TENT2: variants seen among roughly 807,000 people sequenced by gnomAD.
TENT2 encodes poly(A) RNA polymerase GLD2.
In TENT2, 44 loss-of-function variants were observed where a neutral mutation model predicts 72.2. The observed-to-expected ratio is 0.61, with a 90% CI of 0.48 to 0.78. The LOEUF (loss-of-function observed/expected upper bound fraction) is 0.78. Ranked by LOEUF, TENT2 falls within the 30% of genes least tolerant of loss-of-function variation. The pLI is 0.00. For synonymous variants in TENT2, 212 were observed against 192.5 expected, an observed-to-expected ratio of 1.10 and a Z score of -0.84; for missense variants, 541 against 569.6, an observed-to-expected ratio of 0.95 and a Z score of 0.51.
chr5:79,641,461 A>G (rs1207065090), intron 6 of TENT2, among the ~76,000 whole-genome samples: 4 of 148,758 alleles, frequency 2.7e-5, no homozygotes, highest in Non-Finnish European at 6.0e-5. Context: ...CAAGAGCTCT[A>G]CCTCTGTTTT....
rs1484649564 is a variant in TENT2 at position 79,687,432 on chromosome 5, CCA to C, written c.*2162_*2163del. Among the ~76,000 whole-genome samples the C allele has an allele frequency of 6.6e-6, 1 of 152,146 alleles. No homozygotes were observed. The highest frequency in any genetic ancestry group is 1.5e-5 in the Non-Finnish European group (1 of 68,024). On this transcript the variant is annotated 3_prime_UTR_variant, in exon 15 of 15. Transcript: ENST00000453514. ...CCCCGTCCTCTTCAGATACCAAAAT[CCA>C]CAGATACTCAAGTCCCTTATATAAA...
intron 7 of TENT2, 66 bp from the exon 8 acceptor site, chr5:79,645,057 T>C: frequency 1.6e-6 from 2 of 1,278,592 alleles, no homozygotes; most frequent in African/African-American, 1.6e-5. Context: ...TTTTAAAAAA[T>C]GTGCGTTGGA....
At chr5:79,642,650 G>A (rs1785368374) in intron 6 of TENT2, among the ~76,000 whole-genome samples, 182 bp from the exon 7 acceptor site, 1 of 152,020 alleles carries the variant, frequency 6.6e-6, no homozygotes, top group Non-Finnish European at 1.5e-5. Context: ...GTGAAAGATA[G>A]CATTAAAGGT....
chr5:79,662,041 G>A (rs1019082411), intron 11 of TENT2, among the ~76,000 whole-genome samples: 1 of 152,156 alleles, frequency 6.6e-6, no homozygotes, highest in African/African-American at 2.4e-5. Flanking sequence ...GTTGTTCCAA[G>A]CAGTACTGGT....
At chr5:79,644,981 AT>A in intron 7 of TENT2, 141 bp from the exon 8 acceptor site, 1 of 611,382 alleles carries the variant, frequency 1.6e-6, no homozygotes, top group Non-Finnish European at 2.7e-6. Context: ...GAATTTGATA[AT>A]GTCCTCACTT....
Position 79,612,976 on chromosome 5 carries a change from C to G in TENT2, c.-137C>G, listed in dbSNP as rs531578593. ...ACCGCTTACTTTGCTTACTCGTTTT[C>G]TATTCCTCGCGTACTGCCTCGTCCA... On this transcript the variant is annotated 5_prime_UTR_variant, in exon 1 of 15. Coordinates refer to ENST00000453514, the MANE Select transcript of TENT2 (RefSeq NM_001114394.3). 6.6e-6 allele frequency: 1 copy of G among 152,366 alleles called. No homozygotes were observed. The highest frequency in any genetic ancestry group is 2.1e-4 in the South Asian group (1 of 4,832). 9.4% of individuals were successfully genotyped at this position (152,366 alleles called of 1,614,324 possible).
intron 10 of TENT2, among the ~76,000 whole-genome samples, chr5:79,655,155 A>G (rs1561537568): frequency 6.6e-6 from 1 of 152,204 alleles, no homozygotes; most frequent in Non-Finnish European, 1.5e-5. Context: ...TTTAAAAACT[A>G]CTAAACTCAT....
chr5:79,623,636 C>A, intron 4 of TENT2, 147 bp downstream of exon 4: 1 of 465,658 alleles, frequency 2.1e-6, no homozygotes. Flanking sequence ...ATTTTCTGTC[C>A]AAACATTACT....
At chr5:79,647,813 A>G (rs940541558) in intron 8 of TENT2, among the ~76,000 whole-genome samples, 7 of 152,162 alleles carry the variant, frequency 4.6e-5, no homozygotes, top group Non-Finnish European at 7.3e-5. Flanking sequence ...TATACATTGC[A>G]TCATTATTGC....
chr5:79,686,622 C>T lies in TENT2; in HGVS notation c.*1349C>T, dbSNP rs1230209393. The T allele has an allele frequency of 6.6e-6, 1 of 151,908 alleles. No individual in the cohort carries two copies. The highest frequency in any genetic ancestry group is 1.9e-4 in the East Asian group (1 of 5,184). The allele number at this position is 151,908 out of a possible 1,614,324, so 9.4% of individuals were successfully genotyped here. A position where few individuals can be genotyped will look rare whatever the true frequency, so the allele number is the denominator to read the frequency against. ...TCAAATTTTTGTATGATGTCAAATG[C>T]AATAAAATTTATATATGGACATTGT... On this transcript the variant is annotated 3_prime_UTR_variant, in exon 15 of 15. Coordinates refer to ENST00000453514, the MANE Select transcript of TENT2 (RefSeq NM_001114394.3).
At chr5:79,660,663 A>G (rs1339181912) in intron 11 of TENT2, among the ~76,000 whole-genome samples, 1 of 152,224 alleles carries the variant, frequency 6.6e-6, no homozygotes. Flanking sequence ...CATACATGAT[A>G]GTGGTCTCAT....
intron 4 of TENT2, among the ~76,000 whole-genome samples, chr5:79,637,260 TC>T (rs1177888431): frequency 6.6e-6 from 1 of 152,158 alleles, no homozygotes; most frequent in African/African-American, 2.4e-5. Flanking sequence ...CAGTTTATTC[TC>T]ATTTTTCTTA....
chr5:79,687,710 G>A lies in TENT2; in HGVS notation c.*2437G>A, dbSNP rs1826479469. ...TCACAAATCCTACATGGTTACGGAG[G>A]GTTGACTGTATTTGCATATGTTGTT... On this transcript the variant is annotated 3_prime_UTR_variant, in exon 15 of 15. Coordinates refer to ENST00000453514, the MANE Select transcript of TENT2 (RefSeq NM_001114394.3). Among the ~76,000 whole-genome samples the A allele has an allele frequency of 1.3e-5, 2 of 152,118 alleles. No homozygotes were observed. Among genetic ancestry groups the A allele is most frequent in the South Asian group, 4.1e-4 (2 of 4,830 alleles).
At chr5:79,679,457 T>C (rs559127554) in intron 12 of TENT2, 122 bp from the exon 13 acceptor site, 9 of 483,654 alleles carry the variant, frequency 1.9e-5, no homozygotes, top group African/African-American at 1.4e-4. Flanking sequence ...GTGCTGAGGG[T>C]TGGGGCACAG....
intron 4 of TENT2, among the ~76,000 whole-genome samples, chr5:79,625,297 A>G (rs533761169): frequency 4.1e-4 from 63 of 152,282 alleles, no homozygotes; most frequent in African/African-American, 1.3e-3. Flanking sequence ...TGCATTCTAC[A>G]TATTAGACCC....
At chr5:79,621,932 G>A (rs951126630) in intron 3 of TENT2, among the ~76,000 whole-genome samples, 22 of 152,004 alleles carry the variant, frequency 1.4e-4, no homozygotes, top group Non-Finnish European at 4.4e-5. Flanking sequence ...TATTTTACCT[G>A]TGAGTAGGGG....
intron 1 of TENT2, among the ~76,000 whole-genome samples, chr5:79,614,321 T>TC (rs1244142759): frequency 6.6e-6 from 1 of 152,054 alleles, no homozygotes; most frequent in African/African-American, 2.4e-5. Flanking sequence ...CAGGCTGGTC[T>TC]CCAACTCCTG....
At chr5:79,629,418 T>A (rs1773211864) in intron 4 of TENT2, among the ~76,000 whole-genome samples, 4 of 152,326 alleles carry the variant, frequency 2.6e-5, no homozygotes, top group Admixed American at 2.6e-4. Context: ...GATTTTTAAT[T>A]TATTTAGCAT....
intron 8 of TENT2, among the ~76,000 whole-genome samples, 193 bp from the exon 9 acceptor site, chr5:79,648,424 C>T (rs1415088749): frequency 1.3e-5 from 2 of 152,194 alleles, no homozygotes; most frequent in Admixed American, 6.5e-5. Context: ...CATCAGATCA[C>T]ATTGAAATAA....
Sources: allele counts gnomAD v4.1 joint callset (sites outside exome capture counted in the v4.1 genomes callset), GRCh38; gene constraint gnomAD v4.1.1; transcripts MANE v1.5; gene names NCBI Gene and HGNC (gene_info 2026-07-23, HGNC 2026-07-21).